ULK4: variants seen among roughly 807,000 people sequenced by gnomAD.
The protein encoded by ULK4 is inactive serine/threonine-protein kinase ULK4.
ULK4 carries 133 observed loss-of-function variants against 160.6 expected under a neutral mutation model. That is an observed-to-expected ratio of 0.83 (90% CI 0.72 to 0.96). The LOEUF (loss-of-function observed/expected upper bound fraction) is 0.96. ULK4 is among the 40% of genes least tolerant of loss of function. The pLI, the probability that ULK4 is intolerant of heterozygous loss-of-function variation, is 0.00. For synonymous variants in ULK4, 534 were observed against 539.8 expected, an observed-to-expected ratio of 0.99 and a Z score of 0.15; for missense variants, 1,580 against 1,499.5, an observed-to-expected ratio of 1.05 and a Z score of -0.89.
chr3:41,842,248 G>C (rs564575861), intron 17 of ULK4, among the ~76,000 whole-genome samples: 1 of 150,554 alleles, frequency 6.6e-6, no homozygotes, highest in Non-Finnish European at 1.5e-5. Context: ...CAAGGTTGCA[G>C]TGAGCTATGA....
intron 34 of ULK4, 64 bp downstream of exon 34, chr3:41,455,433 G>C (rs2083523595): frequency 6.9e-7 from 1 of 1,440,344 alleles, no homozygotes; most frequent in East Asian, 2.3e-5. Flanking sequence ...AAGAGATCAG[G>C]AAATTCAAAT....
chr3:41,833,087 A>G (rs962455656), intron 18 of ULK4, among the ~76,000 whole-genome samples: 1 of 152,134 alleles, frequency 6.6e-6, no homozygotes, highest in Admixed American at 6.6e-5. Flanking sequence ...TGGTAGTTTG[A>G]TGGAAATAGC....
chr3:41,400,453 G>A (rs2082155555), intron 34 of ULK4, among the ~76,000 whole-genome samples: 1 of 152,114 alleles, frequency 6.6e-6, no homozygotes, highest in Admixed American at 6.5e-5. Context: ...CTGTATATAT[G>A]GTTTTCTTCA....
chr3:41,720,962 T>C (rs887107294), intron 22 of ULK4, among the ~76,000 whole-genome samples: 16 of 152,114 alleles, frequency 1.1e-4, no homozygotes, highest in Non-Finnish European at 5.9e-5. Context: ...GGGTAGGAAG[T>C]ATTTAGCAAA....
intron 32 of ULK4, among the ~76,000 whole-genome samples, chr3:41,474,355 G>C (rs140398385): frequency 1.7e-4 from 26 of 152,144 alleles, no homozygotes; most frequent in Non-Finnish European, 2.4e-4. Flanking sequence ...ACAAAAATCA[G>C]TTCAAAATGG....
chr3:41,704,419 C>T (rs1431820222), intron 27 of ULK4, among the ~76,000 whole-genome samples: 1 of 152,208 alleles, frequency 6.6e-6, no homozygotes, highest in Admixed American at 6.5e-5. Context: ...CCTGATACTG[C>T]TCCTTGCACC....
intron 32 of ULK4, among the ~76,000 whole-genome samples, chr3:41,477,175 C>T (rs57953748): frequency 7.2e-5 from 11 of 152,036 alleles, no homozygotes; most frequent in Non-Finnish European, 1.0e-4. Flanking sequence ...CTAAAAAATC[C>T]AAGATTTATT....
rs527325265 is a variant in ULK4, at chr3:41,313,203, G to A, written c.3679-63629C>T. Among the ~76,000 whole-genome samples the A allele has an allele frequency of 3.3e-5, 5 of 152,244 alleles. No individual in the cohort carries two copies. In the South Asian group the frequency reaches 8.3e-4, roughly 25 times the overall value. On this transcript the variant is annotated intron_variant, in intron 35 of 36. Transcript: ENST00000301831. ...GATGAAAAGTAGGAAGGCATTTAGT[G>A]GCAATGTGTTTTTCCATGAGCAAGT...
At chr3:41,286,998 T>C (rs1426737945) in intron 35 of ULK4, among the ~76,000 whole-genome samples, 2 of 152,326 alleles carry the variant, frequency 1.3e-5, no homozygotes, top group Admixed American at 6.5e-5. Context: ...TAGGTATATA[T>C]TGTAATGTAC....
At chr3:41,757,371 G>A (rs904212047) in intron 21 of ULK4, among the ~76,000 whole-genome samples, 3 of 152,012 alleles carry the variant, frequency 2.0e-5, no homozygotes, top group Admixed American at 6.5e-5. Context: ...AGTGGCTCAC[G>A]CCTGTAATCC....
rs35695794 is a variant in ULK4 at position 41,762,655 on chromosome 3, C to CTTT, written c.2194-8170_2194-8168dup. On this transcript the variant is annotated intron_variant, in intron 21 of 36. Coordinates refer to ENST00000301831, the MANE Select transcript of ULK4 (RefSeq NM_017886.4). ...AGCAAGAGAGCCAGGAAGTGTTACACTTTTTTTTTTTTTTTTTTTTTTTTT... is the reference window on the plus strand; with the variant it reads ...AGCAAGAGAGCCAGGAAGTGTTACACTTTTTTTTTTTTTTTTTTTTTTTTTTTT... Among the ~76,000 whole-genome samples, 555 of 89,000 alleles carry CTTT rather than the reference C, an allele frequency of 6.2e-3. 15 individuals carry two copies. The highest frequency in any genetic ancestry group is 9.1e-3 in the Middle Eastern group (1 of 110). The allele number at this position is 89,000 out of a possible 152,430, so 58.4% of individuals were successfully genotyped here. A position where few individuals can be genotyped will look rare whatever the true frequency, so the allele number is the denominator to read the frequency against.
chr3:41,684,663 A>G (rs2036041214), intron 27 of ULK4, among the ~76,000 whole-genome samples: 1 of 152,176 alleles, frequency 6.6e-6, no homozygotes, highest in Non-Finnish European at 1.5e-5. Context: ...GCTATCTTAA[A>G]TCTATTCCTG....
intron 17 of ULK4, among the ~76,000 whole-genome samples, chr3:41,843,038 TCA>T: frequency 6.6e-6 from 1 of 152,132 alleles, no homozygotes; most frequent in Middle Eastern, 3.4e-3. Flanking sequence ...TCAAAATGGA[TCA>T]CAGACTTAAA....
intron 35 of ULK4, among the ~76,000 whole-genome samples, chr3:41,251,739 A>G (rs989187753): frequency 2.0e-5 from 3 of 152,192 alleles, no homozygotes; most frequent in African/African-American, 7.2e-5. Flanking sequence ...CAGCAAGAGG[A>G]GCCTGCAACC....
intron 35 of ULK4, among the ~76,000 whole-genome samples, chr3:41,376,542 C>T (rs1018456457): frequency 1.3e-5 from 2 of 149,912 alleles, no homozygotes; most frequent in Non-Finnish European, 2.9e-5. Flanking sequence ...GATACAAAAT[C>T]AATGTACAAA....
intron 21 of ULK4, among the ~76,000 whole-genome samples, chr3:41,765,065 C>A (rs560595007): frequency 3.8e-4 from 58 of 152,126 alleles, no homozygotes; most frequent in African/African-American, 1.3e-3. Context: ...GGGTATATAC[C>A]CAAAGGATTA....
intron 34 of ULK4, among the ~76,000 whole-genome samples, chr3:41,443,156 C>A (rs990877968): frequency 6.6e-6 from 1 of 152,158 alleles, no homozygotes; most frequent in African/African-American, 2.4e-5. Context: ...CAGATAAGTT[C>A]ATTCTCACCA....
intron 2 of ULK4, among the ~76,000 whole-genome samples, chr3:41,946,843 T>C (rs896735574): frequency 1.3e-5 from 2 of 152,182 alleles, no homozygotes; most frequent in Non-Finnish European, 2.9e-5. Context: ...GCCTAAAAAG[T>C]ATCACAAAGC....
intron 31 of ULK4, 50 bp from the exon 32 acceptor site, chr3:41,566,180 T>C (rs775246508): frequency 1.3e-6 from 2 of 1,496,910 alleles, no homozygotes; most frequent in African/African-American, 2.8e-5. Context: ...TACAATTACA[T>C]CATCGTAAAG....
Sources: gnomAD v4.1 joint callset for allele counts (sites outside exome capture counted in the v4.1 genomes callset) on GRCh38, gnomAD v4.1.1 for gene constraint, MANE v1.5 for transcripts, NCBI Gene and HGNC (gene_info 2026-07-23, HGNC 2026-07-21) for gene names.